Variants in ADAMTS14 observed in about 807,000 individuals in gnomAD.
ADAMTS14 encodes the protein ADAM metallopeptidase with thrombospondin type 1 motif 14, also known as A disintegrin and metalloproteinase with thrombospondin motifs 14.
ADAMTS14 carries 100 observed loss-of-function variants against 128.6 expected under a neutral mutation model. That is an observed-to-expected ratio of 0.78 (90% confidence interval 0.66 to 0.92). The LOEUF (loss-of-function observed/expected upper bound fraction) is 0.92. ADAMTS14 is among the 40% of genes least tolerant of loss of function. The probability of loss-of-function intolerance (pLI) is 0.00; values close to 1 mark genes in which losing one functional copy is unlikely to be tolerated. For synonymous variants in ADAMTS14, 665 were observed against 653.8 expected (o/e 1.02, Z -0.26); for missense variants, 1,562 against 1,658.6 (o/e 0.94, Z 1.01).
chr10:70,750,178 T>G (rs190830525), intron 16 of ADAMTS14, among the ~76,000 whole-genome samples, 193 bp downstream of exon 16: 204 of 152,336 alleles, frequency 1.3e-3, no homozygotes, highest in African/African-American at 4.7e-3. Context: ...TGAGGAGAGA[T>G]AAAGACAGTT....
chr10:70,754,982 C>T (rs542963700), intron 19 of ADAMTS14, among the ~76,000 whole-genome samples: 4 of 152,214 alleles, frequency 2.6e-5, no homozygotes, highest in African/African-American at 9.6e-5. Flanking sequence ...GAACATCATG[C>T]CAAGTAAAAC....
chr10:70,720,545 C>A (rs1222376638), intron 4 of ADAMTS14, among the ~76,000 whole-genome samples: 1 of 152,138 alleles, frequency 6.6e-6, no homozygotes, highest in African/African-American at 2.4e-5. Context: ...TCTTAGTGTC[C>A]CAACCCAGGG....
In ADAMTS14 at chr10:70,752,126, C is replaced by T; in HGVS notation, c.2628C>T (p.Arg876=). 6.2e-7 allele frequency: 1 copy of T among 1,613,212 alleles called. No individual in the cohort carries two copies. The highest frequency in any genetic ancestry group is 8.5e-7 in the Non-Finnish European group (1 of 1,179,930). Residue 876 remains arginine (R), a synonymous_variant, in exon 18 of 22, where the codon CGC becomes CGT. Coordinates refer to ENST00000373207, the MANE Select transcript of ADAMTS14 (RefSeq NM_080722.4). ...GIQFTKYGCR[R]RRDHHMVQRH... Reference sequence around the variant, plus strand: ...AGTTCACCAAATACGGCTGCCGGCGCAGACGAGACCACCACATGGTGCAGC... The same window carrying T: ...AGTTCACCAAATACGGCTGCCGGCGTAGACGAGACCACCACATGGTGCAGC...
intron 4 of ADAMTS14, among the ~76,000 whole-genome samples, chr10:70,726,373 T>C (rs1227873701): frequency 6.6e-6 from 1 of 152,246 alleles, no homozygotes; most frequent in Admixed American, 6.5e-5. Flanking sequence ...TGGTCTGCCT[T>C]ACAAGAAAGA....
At chr10:70,746,898 A>T (rs1429182558) in intron 15 of ADAMTS14, among the ~76,000 whole-genome samples, 1 of 151,832 alleles carries the variant, frequency 6.6e-6, no homozygotes, top group Non-Finnish European at 1.5e-5. Flanking sequence ...CTGTGTTCAG[A>T]CCCCTTTGCA....
intron 21 of ADAMTS14, among the ~76,000 whole-genome samples, chr10:70,759,911 G>A (rs1173483610): frequency 6.6e-6 from 1 of 152,200 alleles, no homozygotes; most frequent in Non-Finnish European, 1.5e-5. Context: ...AAGGAGACAG[G>A]CACCCCCAAG....
chr10:70,703,049 C>T (rs1189133216), intron 3 of ADAMTS14, among the ~76,000 whole-genome samples: 1 of 152,236 alleles, frequency 6.6e-6, no homozygotes, highest in Admixed American at 6.5e-5. Context: ...GTGATGGTAT[C>T]TGTGAAAATC....
intron 1 of ADAMTS14, among the ~76,000 whole-genome samples, chr10:70,673,851 G>A (rs540861902): frequency 2.0e-5 from 3 of 152,334 alleles, no homozygotes; most frequent in African/African-American, 7.2e-5. Flanking sequence ...GTGGCCTGGA[G>A]CATGGGGCCA....
intron 2 of ADAMTS14, among the ~76,000 whole-genome samples, chr10:70,686,211 C>T (rs975866533): frequency 6.6e-6 from 1 of 150,966 alleles, no homozygotes; most frequent in Non-Finnish European, 1.5e-5. Context: ...TTTGTTAGGA[C>T]CAAGTTGGTC....
intron 16 of ADAMTS14, among the ~76,000 whole-genome samples, 152 bp from the exon 17 acceptor site, chr10:70,751,325 CT>C (rs1842341461): frequency 6.6e-6 from 1 of 152,132 alleles, no homozygotes; most frequent in South Asian, 2.1e-4. Flanking sequence ...ATCCAACCCC[CT>C]ACCATACCCC....
chr10:70,736,728 A>C lies in ADAMTS14; in HGVS notation c.1534A>C (p.Asn512His), dbSNP rs1292600234. 1.9e-6 allele frequency: 3 copies of C among 1,613,770 alleles called. No homozygotes were observed. Among genetic ancestry groups the C allele is most frequent in the Non-Finnish European group, 2.5e-6 (3 of 1,179,860 alleles). The change falls in exon 10 of 22, where the codon AAC (asparagine) becomes CAC (histidine). Residue 512 changes from asparagine (N) to histidine (H), a missense_variant. Asn to His is a moderately conservative substitution (Grantham distance 68). Transcript: ENST00000373207. ...GCAGCTGTGGTGCAGCCATCCTGAC[A>C]ACCCGTACTTCTGCAAGACCAAGAA... Reference protein sequence around the residue: ...CKQLWCSHPDNPYFCKTKKGP... With the variant: ...CKQLWCSHPDHPYFCKTKKGP...
intron 14 of ADAMTS14, 83 bp downstream of exon 14, chr10:70,744,272 G>A (rs1842106267): frequency 7.0e-6 from 10 of 1,423,712 alleles, no homozygotes; most frequent in South Asian, 6.1e-5. Flanking sequence ...TCCTTGAACT[G>A]TGCCACAGTC....
intron 8 of ADAMTS14, among the ~76,000 whole-genome samples, chr10:70,734,623 T>C (rs1841766452): frequency 6.6e-6 from 1 of 152,172 alleles, no homozygotes; most frequent in Non-Finnish European, 1.5e-5. Flanking sequence ...TCCTGGGTCT[T>C]CAAGGATGTT....
chr10:70,715,962 G>A (rs1040813988), intron 4 of ADAMTS14, among the ~76,000 whole-genome samples: 1 of 152,158 alleles, frequency 6.6e-6, no homozygotes, highest in Non-Finnish European at 1.5e-5. Context: ...TTGGAGGAAG[G>A]CAGGCTCAGT....
At chr10:70,708,911 C>A in intron 4 of ADAMTS14, 133 bp downstream of exon 4, 1 of 698,014 alleles carries the variant, frequency 1.4e-6, no homozygotes, top group Non-Finnish European at 2.1e-6. Context: ...TTGGGGAAGT[C>A]ATTGCTTGCT....
At chr10:70,738,711 G>A (rs1230247039) in intron 10 of ADAMTS14, 131 bp from the exon 11 acceptor site, 6 of 1,267,648 alleles carry the variant, frequency 4.7e-6, no homozygotes, top group Non-Finnish European at 6.6e-6. Flanking sequence ...GTTTAAGGCT[G>A]CTCAGCTCAT....
At chr10:70,687,698 A>C (rs1268429935) in intron 2 of ADAMTS14, among the ~76,000 whole-genome samples, 3 of 21,882 alleles carry the variant, frequency 1.4e-4, no homozygotes, top group Non-Finnish European at 1.8e-4. Context: ...TGACCCCCCC[A>C]CCTCCCTCCC....
intron 15 of ADAMTS14, 133 bp from the exon 16 acceptor site, chr10:70,749,689 C>A: frequency 8.8e-7 from 1 of 1,133,558 alleles, no homozygotes; most frequent in Non-Finnish European, 1.2e-6. Context: ...CTCGGGAGGG[C>A]TTGGGTGGGA....
At chr10:70,744,243 T>A in intron 14 of ADAMTS14, 54 bp downstream of exon 14, 1 of 1,465,384 alleles carries the variant, frequency 6.8e-7, no homozygotes, top group South Asian at 1.4e-5. Context: ...GTTCTTGCCG[T>A]CCCTCAGGGG....
Sources: gnomAD v4.1 joint callset for allele counts (sites outside exome capture counted in the v4.1 genomes callset) on GRCh38, gnomAD v4.1.1 for gene constraint, MANE v1.5 for transcripts, NCBI Gene and HGNC (gene_info 2026-07-23, HGNC 2026-07-21) for gene names.